Variants in NDST4 observed in about 807,000 individuals in gnomAD.
NDST4 encodes the protein N-heparan sulfate sulfotransferase 4.
NDST4 carries 63 observed loss-of-function variants against 100.8 expected under a neutral mutation model. The observed-to-expected ratio is 0.62, with a 90% CI of 0.51 to 0.77. NDST4 has a LOEUF of 0.77. Ranked by LOEUF, NDST4 falls within the 30% of genes least tolerant of loss-of-function variation. The pLI, the probability that NDST4 is intolerant of heterozygous loss-of-function variation, is 0.00. For synonymous variants in NDST4, 377 were observed against 361.8 expected (o/e 1.04, Z -0.48); for missense variants, 943 against 1,018.4 (o/e 0.93, Z 1.01).
chr4:114,995,367 C>A (rs1430780486), intron 2 of NDST4, among the ~76,000 whole-genome samples: 1 of 152,026 alleles, frequency 6.6e-6, no homozygotes, highest in African/African-American at 2.4e-5. Flanking sequence ...ACTATTGATT[C>A]ATTTTCAATT....
At chr4:114,952,025 T>C (rs1339181208) in intron 4 of NDST4, among the ~76,000 whole-genome samples, 1 of 152,164 alleles carries the variant, frequency 6.6e-6, no homozygotes, top group African/African-American at 2.4e-5. Flanking sequence ...GGGAAACCTA[T>C]GTTATAATTT....
intron 1 of NDST4, among the ~76,000 whole-genome samples, chr4:115,077,872 T>C (rs185745975): frequency 2.6e-5 from 4 of 152,304 alleles, no homozygotes; most frequent in Admixed American, 2.0e-4. Flanking sequence ...CTGCTCCTTC[T>C]TCTTGCAGGA....
rs150385510 is a variant in NDST4 at position 115,042,093 on chromosome 4, C to A, written c.978+33966G>T. The stretch of plus-strand genomic sequence containing the variant: ...TCCATTTTCACTTACCTGATTCCAA[C>A]TACTGTCTGAAAATATTAATAAATG... On this transcript the variant is annotated intron_variant, in intron 2 of 13. Transcript: ENST00000264363. Among the ~76,000 whole-genome samples, 188 of 152,232 alleles carry A rather than the reference C, an allele frequency of 1.2e-3. 1 individual carries two copies. The highest frequency in any genetic ancestry group is 4.3e-3 in the African/African-American group (179 of 41,562).
intron 6 of NDST4, among the ~76,000 whole-genome samples, chr4:114,915,596 C>T (rs1725151549): frequency 6.6e-6 from 1 of 152,074 alleles, no homozygotes; most frequent in Non-Finnish European, 1.5e-5. Flanking sequence ...GAAAACACTT[C>T]ATTAAAGACA....
At chr4:115,013,067 G>C (rs78664633) in intron 2 of NDST4, among the ~76,000 whole-genome samples, 2 of 149,340 alleles carry the variant, frequency 1.3e-5, no homozygotes, top group South Asian at 2.1e-4. Context: ...AGGGGGTACT[G>C]GGTGGGGGTA....
Position 114,847,362 on chromosome 4 carries a change from C to A in NDST4, c.1940+853G>T, listed in dbSNP as rs1408126912. Among the ~76,000 whole-genome samples, 50 of 89,248 alleles carry A rather than the reference C, an allele frequency of 5.6e-4. 2 individuals carry two copies. The highest frequency in any genetic ancestry group is 0.024 in the Middle Eastern group (2 of 82). The allele number at this position is 89,248 out of a possible 152,430, so 58.6% of individuals were successfully genotyped here. On this transcript the variant is annotated intron_variant, in intron 9 of 13. Transcript: ENST00000264363. ...CTGCACTCCAGCCTGGGCGACAGAG[C>A]GAGACTCCGTCTCAAAAAAAAAAAA...
chr4:114,985,592 A>G (rs1726882580), intron 2 of NDST4, among the ~76,000 whole-genome samples: 1 of 152,174 alleles, frequency 6.6e-6, no homozygotes, highest in Non-Finnish European at 1.5e-5. Flanking sequence ...CTAGGTATGG[A>G]GTTAGAAAGT....
chr4:115,056,432 T>C (rs1467511281), intron 2 of NDST4, among the ~76,000 whole-genome samples: 1 of 152,178 alleles, frequency 6.6e-6, no homozygotes, highest in African/African-American at 2.4e-5. Flanking sequence ...GTGATGATGA[T>C]GTTGATAGAG....
At chr4:114,960,524 T>C (rs1250327838) in intron 4 of NDST4, among the ~76,000 whole-genome samples, 1 of 151,838 alleles carries the variant, frequency 6.6e-6, no homozygotes, top group Non-Finnish European at 1.5e-5. Flanking sequence ...GAAAATTGCT[T>C]GAACCCAGGA....
chr4:115,004,536 G>GA (rs1051016321), intron 2 of NDST4, among the ~76,000 whole-genome samples: 1 of 152,112 alleles, frequency 6.6e-6, no homozygotes, highest in East Asian at 1.9e-4. Context: ...CTGCGGCTGA[G>GA]AAAAAAGCAA....
intron 4 of NDST4, 75 bp downstream of exon 4, chr4:114,970,355 A>G: frequency 1.5e-6 from 2 of 1,298,036 alleles, no homozygotes. Flanking sequence ...TATTCAACCC[A>G]ATACATTAAT....
chr4:115,105,168 T>C (rs1399961620), intron 1 of NDST4, among the ~76,000 whole-genome samples: 1 of 152,142 alleles, frequency 6.6e-6, no homozygotes, highest in Non-Finnish European at 1.5e-5. Context: ...TAATTCACAT[T>C]TGTTTACATG....
intron 7 of NDST4, among the ~76,000 whole-genome samples, chr4:114,868,362 A>T (rs968871493): frequency 1.3e-5 from 2 of 152,108 alleles, no homozygotes; most frequent in Non-Finnish European, 2.9e-5. Flanking sequence ...AAAGGGTGAC[A>T]ATGCTTACCA....
At chr4:115,069,967 T>G (rs1729040051) in intron 2 of NDST4, among the ~76,000 whole-genome samples, 1 of 152,148 alleles carries the variant, frequency 6.6e-6, no homozygotes, top group South Asian at 2.1e-4. Context: ...TTATATACTA[T>G]TGGTTGGAAT....
chr4:114,920,860 C>T (rs1176365732), intron 6 of NDST4, among the ~76,000 whole-genome samples: 1 of 152,058 alleles, frequency 6.6e-6, no homozygotes, highest in African/African-American at 2.4e-5. Context: ...GTGATGAAAC[C>T]CAATCTAAAG....
intron 2 of NDST4, among the ~76,000 whole-genome samples, chr4:115,027,644 C>G (rs939872973): frequency 9.2e-5 from 14 of 152,138 alleles, no homozygotes; most frequent in African/African-American, 3.4e-4. Flanking sequence ...CCTTTATATC[C>G]TGATTGATTT....
At chr4:114,950,413 A>C (rs1725964896) in intron 4 of NDST4, among the ~76,000 whole-genome samples, 1 of 152,098 alleles carries the variant, frequency 6.6e-6, no homozygotes. Flanking sequence ...ACTACTGTTC[A>C]TCATTATGAT....
At chr4:115,073,900 T>A (rs2620399) in intron 2 of NDST4, among the ~76,000 whole-genome samples, 24,631 of 151,844 alleles carry the variant, frequency 0.16, 2,417 homozygotes, top group East Asian at 0.46. Flanking sequence ...AACATTATGT[T>A]GTACATGAAA....
At chr4:114,881,782 T>C (rs1350693087) in intron 6 of NDST4, among the ~76,000 whole-genome samples, 1 of 152,176 alleles carries the variant, frequency 6.6e-6, no homozygotes, top group Non-Finnish European at 1.5e-5. Context: ...CCCATCGTGT[T>C]TTCTCTAAAT....
Sources: allele counts gnomAD v4.1 joint callset (sites outside exome capture counted in the v4.1 genomes callset), GRCh38; gene constraint gnomAD v4.1.1; transcripts MANE v1.5; gene names NCBI Gene and HGNC (gene_info 2026-07-23, HGNC 2026-07-21).